The following PTPRD variants were observed in gnomAD, a reference collection of about 807,000 sequenced individuals.
PTPRD encodes receptor-type tyrosine-protein phosphatase delta.
A neutral mutation model predicts 214.5 loss-of-function variants in PTPRD; 34 were observed. The observed-to-expected ratio is 0.16, with a 90% CI of 0.12 to 0.21. PTPRD has a LOEUF of 0.21. Among genes scored for constraint, PTPRD ranks in the 10% least tolerant of loss-of-function variants. The probability of loss-of-function intolerance (pLI) is 1.00; values close to 1 mark genes in which losing one functional copy is unlikely to be tolerated. For missense variants in PTPRD, 2,545 were observed against 2,398.7 expected (o/e 1.06, Z -1.27); for synonymous variants, 1,128 against 845.7 (o/e 1.33, Z -5.79).
intron 10 of PTPRD, among the ~76,000 whole-genome samples, chr9:9,057,142 T>G (rs2099697798): frequency 6.6e-6 from 1 of 152,204 alleles, no homozygotes; most frequent in Non-Finnish European, 1.5e-5. Flanking sequence ...ATAATCTGAT[T>G]GCAGGAAACA....
At position 8,528,586 on chromosome 9, in the gene PTPRD, C is replaced by T. The variant is rs768900286; in HGVS notation, c.541+5G>A. On this transcript the variant is annotated splice_donor_5th_base_variant and intron_variant, in intron 15 of 45. Transcript: ENST00000381196. ...GAGTTAGTAGAAACAGTAACAAGAC[C>T]CTACCTGATCGTAACTGCTTAATAC... is the stretch of plus-strand genomic sequence containing the variant. 4.3e-6 allele frequency: 7 copies of T among 1,611,730 alleles called. No homozygotes were observed. Among genetic ancestry groups the T allele is most frequent in the Non-Finnish European group, 5.9e-6 (7 of 1,178,738 alleles).
At chr9:8,769,372 G>T (rs7875869) in intron 11 of PTPRD, among the ~76,000 whole-genome samples, 1 of 152,152 alleles carries the variant, frequency 6.6e-6, no homozygotes, top group Non-Finnish European at 1.5e-5. Context: ...ACAGCTGGAT[G>T]AGAATGTTAA....
intron 2 of PTPRD, among the ~76,000 whole-genome samples, chr9:10,562,355 G>A (rs1431771720): frequency 1.5e-4 from 22 of 148,536 alleles, no homozygotes; most frequent in South Asian, 8.5e-4. Context: ...CTGCCTGTAT[G>A]TTCAGTGTCT....
At chr9:9,905,377 G>C (rs112947960) in intron 5 of PTPRD, among the ~76,000 whole-genome samples, 2 of 151,678 alleles carry the variant, frequency 1.3e-5, no homozygotes, top group African/African-American at 2.4e-5. Flanking sequence ...ACACTAAAGA[G>C]CATATAAAAT....
At chr9:8,640,162 T>C (rs779001995) in intron 12 of PTPRD, among the ~76,000 whole-genome samples, 4 of 152,112 alleles carry the variant, frequency 2.6e-5, no homozygotes, top group Non-Finnish European at 5.9e-5. Context: ...ACTCCAGGGC[T>C]CAAGGATCCT....
At chr9:8,518,493 T>A (rs965841874) in intron 20 of PTPRD, 64 bp from the exon 21 acceptor site, 9 of 1,108,926 alleles carry the variant, frequency 8.1e-6, no homozygotes, top group African/African-American at 3.1e-5. Context: ...CAAAAATCTA[T>A]AAACTCTACT....
chr9:8,844,319 T>A (rs1049430921), intron 11 of PTPRD, among the ~76,000 whole-genome samples: 2 of 152,180 alleles, frequency 1.3e-5, no homozygotes, highest in Non-Finnish European at 2.9e-5. Context: ...TCCTTCTGTA[T>A]AATGAAAAGA....
chr9:9,019,317 A>AAAGG (rs2099552072), intron 10 of PTPRD, among the ~76,000 whole-genome samples: 13 of 116,956 alleles, frequency 1.1e-4, no homozygotes, highest in African/African-American at 2.5e-4. Flanking sequence ...AGAAAGAAAG[A>AAAGG]AAGAAAGAAA....
chr9:10,242,911 AAAGG>A (rs1352776436), intron 3 of PTPRD, among the ~76,000 whole-genome samples: 1 of 151,470 alleles, frequency 6.6e-6, no homozygotes, highest in Non-Finnish European at 1.5e-5. Flanking sequence ...TTTGAGAGAA[AAAGG>A]AAGGGAAGAG....
intron 12 of PTPRD, among the ~76,000 whole-genome samples, chr9:8,704,818 G>C (rs62528772): frequency 0.039 from 5,898 of 151,932 alleles, 169 homozygotes; most frequent in Non-Finnish European, 0.064. Context: ...AGCTACTTGG[G>C]ACGCTGAGGC....
intron 3 of PTPRD, among the ~76,000 whole-genome samples, chr9:10,272,005 A>G (rs1009749625): frequency 6.6e-6 from 1 of 152,148 alleles, no homozygotes; most frequent in Non-Finnish European, 1.5e-5. Flanking sequence ...TAAAATATGA[A>G]TTTTGTTATA....
At chr9:9,163,038 C>T (rs1428204822) in intron 10 of PTPRD, among the ~76,000 whole-genome samples, 3 of 151,992 alleles carry the variant, frequency 2.0e-5, no homozygotes, top group Admixed American at 1.3e-4. Flanking sequence ...TCTTTTTTTC[C>T]TCTGAACACT....
At chr9:9,759,371 A>G (rs1253833481) in intron 6 of PTPRD, among the ~76,000 whole-genome samples, 3 of 152,140 alleles carry the variant, frequency 2.0e-5, no homozygotes, top group Non-Finnish European at 4.4e-5. Context: ...AGAAGTCCCC[A>G]CAACCCAGTA....
intron 2 of PTPRD, among the ~76,000 whole-genome samples, chr9:10,611,659 T>C (rs2081003646): frequency 6.6e-6 from 1 of 152,182 alleles, no homozygotes; most frequent in Non-Finnish European, 1.5e-5. Flanking sequence ...AGGAGACACC[T>C]TAAACCTGTC....
intron 34 of PTPRD, among the ~76,000 whole-genome samples, chr9:8,438,252 G>A (rs2095425865): frequency 1.3e-5 from 2 of 152,100 alleles, no homozygotes; most frequent in Non-Finnish European, 2.9e-5. Flanking sequence ...TAATGGTTCT[G>A]GTAAGTTAAG....
At position 8,484,397 on chromosome 9, in the gene PTPRD, TA is replaced by T. The variant is rs61602377; in HGVS notation, c.3154-20del. On this transcript the variant is annotated intron_variant, in intron 29 of 45. Transcript: ENST00000381196. ...AAAGAATCTAAAGAGATAAAACCAA[TA>T]AAAAAAAAATCTGGTTATCAGAGAG... 0.085 allele frequency: 124,095 copies of T among 1,453,332 alleles called. 5,056 individuals carry two copies. Among genetic ancestry groups the T allele is most frequent in the South Asian group, 0.14 (10,697 of 77,540 alleles). 90.0% of individuals were successfully genotyped at this position (1,453,332 alleles called of 1,614,324 possible).
chr9:10,028,785 C>T (rs1238385284), intron 4 of PTPRD, among the ~76,000 whole-genome samples: 2 of 152,084 alleles, frequency 1.3e-5, no homozygotes, highest in East Asian at 3.9e-4. Context: ...GAAAGCAAAG[C>T]ATAAAAGAAA....
rs931525802 is a variant in PTPRD at position 10,488,473 on chromosome 9, T to G, written c.-600+123925A>C. 2.4e-4 allele frequency among the ~76,000 whole-genome samples: 37 copies of G among 152,012 alleles called. 1 individual carries two copies. The highest frequency in any genetic ancestry group is 1.5e-5 in the Non-Finnish European group (1 of 67,998). On this transcript the variant is annotated intron_variant, in intron 2 of 45. Coordinates refer to ENST00000381196, the MANE Select transcript of PTPRD (RefSeq NM_002839.4). The stretch of plus-strand genomic sequence containing the variant: ...TCATTCCCTGACTATGGCCTGTGTT[T>G]GTTCAAGGTCCTGGGACTCTACAAT...
rs142650218 is a variant in PTPRD at position 8,350,436 on chromosome 9, A to G, written c.4662-8458T>C. Among the ~76,000 whole-genome samples the G allele has an allele frequency of 1.9e-3, 292 of 152,316 alleles. 1 individual carries two copies. The highest frequency in any genetic ancestry group is 6.5e-3 in the African/African-American group (269 of 41,576). On this transcript the variant is annotated intron_variant, in intron 39 of 45. Transcript: ENST00000381196. Reference sequence around the variant, plus strand: ...TAATTTGATTGGATATAGTTCACCTATCATAATGGTATATGAACTACAAGT... The same window carrying G: ...TAATTTGATTGGATATAGTTCACCTGTCATAATGGTATATGAACTACAAGT...
Sources: allele counts gnomAD v4.1 joint callset (sites outside exome capture counted in the v4.1 genomes callset), GRCh38; gene constraint gnomAD v4.1.1; transcripts MANE v1.5; gene names NCBI Gene and HGNC (gene_info 2026-07-23, HGNC 2026-07-21).